The following ACMSD variants were observed in gnomAD, a reference collection of about 807,000 sequenced individuals.
ACMSD encodes the protein aminocarboxymuconate semialdehyde decarboxylase.
In ACMSD, 37 loss-of-function variants were observed where a neutral mutation model predicts 45.9. That is an observed-to-expected ratio of 0.81 (90% CI 0.62 to 1.06). The LOEUF is 1.06. ACMSD is among the 50% of genes least tolerant of loss of function. The pLI is 0.00. For synonymous variants in ACMSD, 138 were observed against 148.8 expected (o/e 0.93, Z 0.53); for missense variants, 434 against 420.9 (o/e 1.03, Z -0.27).
intron 2 of ACMSD, among the ~76,000 whole-genome samples, chr2:134,857,294 C>T (rs796739728): frequency 1.3e-5 from 2 of 151,918 alleles, no homozygotes; most frequent in Non-Finnish European, 2.9e-5. Flanking sequence ...AAAAATTAGC[C>T]GGGCGTGGTG....
At chr2:134,872,803 G>T (rs1278936869) in intron 8 of ACMSD, 162 bp downstream of exon 8, 3 of 764,680 alleles carry the variant, frequency 3.9e-6, no homozygotes, top group African/African-American at 3.5e-5. Flanking sequence ...TCACACAGGG[G>T]ATTCTCTCCA....
chr2:134,840,854 G>T (rs1412488931), intron 1 of ACMSD, among the ~76,000 whole-genome samples: 1 of 152,098 alleles, frequency 6.6e-6, no homozygotes, highest in African/African-American at 2.4e-5. Context: ...AGATTTTGGT[G>T]CACCCATCAC....
At chr2:134,893,205 C>A (rs1689897461) in intron 8 of ACMSD, among the ~76,000 whole-genome samples, 1 of 137,010 alleles carries the variant, frequency 7.3e-6, no homozygotes, top group South Asian at 2.6e-4. Context: ...ATATATCACA[C>A]TGCATTTTTT....
chr2:134,881,311 T>C (rs1349944490), intron 8 of ACMSD, among the ~76,000 whole-genome samples: 1 of 152,238 alleles, frequency 6.6e-6, no homozygotes, highest in Non-Finnish European at 1.5e-5. Flanking sequence ...CTTTTCTTTA[T>C]TTTTAATGGA....
intron 8 of ACMSD, among the ~76,000 whole-genome samples, chr2:134,882,739 C>A (rs1317444451): frequency 6.6e-6 from 1 of 152,124 alleles, no homozygotes; most frequent in Non-Finnish European, 1.5e-5. Context: ...ATGAGATATG[C>A]TAATGGGAAG....
intron 2 of ACMSD, among the ~76,000 whole-genome samples, chr2:134,853,942 C>T: frequency 6.6e-6 from 1 of 152,190 alleles, no homozygotes. Context: ...TAACTTTAGC[C>T]TACTACATAG....
chr2:134,891,739 A>C (rs573962595), intron 8 of ACMSD, among the ~76,000 whole-genome samples: 1 of 152,336 alleles, frequency 6.6e-6, no homozygotes, highest in South Asian at 2.1e-4. Flanking sequence ...GCATCTACCC[A>C]AAGGAAAAGA....
chr2:134,872,816 G>T, intron 8 of ACMSD, 175 bp downstream of exon 8: 1 of 677,134 alleles, frequency 1.5e-6, no homozygotes. Context: ...TCTCTCCAGG[G>T]TCTCCCTCCA....
At chr2:134,897,122 T>C (rs895551386) in intron 8 of ACMSD, among the ~76,000 whole-genome samples, 26 of 151,788 alleles carry the variant, frequency 1.7e-4, no homozygotes, top group African/African-American at 6.3e-4. Flanking sequence ...TTAAAGGGGG[T>C]GAATTTTATG....
At chr2:134,882,482 C>T (rs1234764544) in intron 8 of ACMSD, among the ~76,000 whole-genome samples, 4 of 152,170 alleles carry the variant, frequency 2.6e-5, no homozygotes, top group Non-Finnish European at 5.9e-5. Context: ...GTATAAATGT[C>T]AAGAGATTTT....
chr2:134,879,497 C>T (rs1333629463), intron 8 of ACMSD, among the ~76,000 whole-genome samples: 1 of 152,164 alleles, frequency 6.6e-6, no homozygotes, highest in Non-Finnish European at 1.5e-5. Context: ...TCGTTACATG[C>T]TGCTGCATCA....
At chr2:134,892,610 C>A (rs1268117829) in intron 8 of ACMSD, among the ~76,000 whole-genome samples, 1 of 152,126 alleles carries the variant, frequency 6.6e-6, no homozygotes, top group East Asian at 1.9e-4. Context: ...GCCTGTGTTG[C>A]TCATTAACTA....
At chr2:134,864,895 T>A (rs2104862324) in intron 5 of ACMSD, among the ~76,000 whole-genome samples, 1 of 152,350 alleles carries the variant, frequency 6.6e-6, no homozygotes. Flanking sequence ...CAACTCTTTC[T>A]ATAACCAAAC....
At chr2:134,885,389 A>T (rs1477554975) in intron 8 of ACMSD, among the ~76,000 whole-genome samples, 20 of 103,982 alleles carry the variant, frequency 1.9e-4, no homozygotes, top group African/African-American at 7.7e-4. Flanking sequence ...TATATATGTA[A>T]ATATATATAT....
chr2:134,896,823 A>C (rs1462441384), intron 8 of ACMSD, among the ~76,000 whole-genome samples: 2 of 152,134 alleles, frequency 1.3e-5, no homozygotes, highest in East Asian at 3.8e-4. Flanking sequence ...ACATGGGTGA[A>C]CCTTGAAAAC....
At chr2:134,856,708 C>T (rs1687596338) in intron 2 of ACMSD, among the ~76,000 whole-genome samples, 2 of 151,962 alleles carry the variant, frequency 1.3e-5, no homozygotes, top group African/African-American at 4.8e-5. Flanking sequence ...TCTTTGAGTT[C>T]CTTATATAGT....
chr2:134,883,332 A>G (rs182176275), intron 8 of ACMSD, among the ~76,000 whole-genome samples: 71 of 152,250 alleles, frequency 4.7e-4, no homozygotes, highest in African/African-American at 1.7e-3. Context: ...TGGGAACCTA[A>G]GATGTGAGGA....
chr2:134,839,304 CA>C (rs976169576), intron 1 of ACMSD, among the ~76,000 whole-genome samples: 14 of 152,120 alleles, frequency 9.2e-5, no homozygotes, highest in African/African-American at 3.4e-4. Flanking sequence ...GTAGGTACAT[CA>C]AAAAACCCGA....
intron 6 of ACMSD, 157 bp downstream of exon 6, chr2:134,867,829 C>CTA (rs139257942): frequency 2.6e-3 from 1,192 of 459,940 alleles, no homozygotes; most frequent in African/African-American, 0.011. Flanking sequence ...TGGATTAATG[C>CTA]TATATATATA....
Sources: allele counts gnomAD v4.1 joint callset (sites outside exome capture counted in the v4.1 genomes callset), GRCh38; gene constraint gnomAD v4.1.1; transcripts MANE v1.5; gene names NCBI Gene and HGNC (gene_info 2026-07-23, HGNC 2026-07-21).